RYR2: variants seen among roughly 807,000 people sequenced by gnomAD.
RYR2 encodes the protein ryanodine receptor 2.
A neutral mutation model predicts 601.1 loss-of-function variants in RYR2; 227 were observed. The observed-to-expected ratio is 0.38, with a 90% CI of 0.34 to 0.42. The LOEUF (loss-of-function observed/expected upper bound fraction) is 0.42. Ranked by LOEUF, RYR2 falls within the 10% of genes least tolerant of loss-of-function variation. The pLI, the probability that RYR2 is intolerant of heterozygous loss-of-function variation, is 1.00. For missense variants in RYR2, 4,646 were observed against 6,156.5 expected, an observed-to-expected ratio of 0.75 and a Z score of 8.21; for synonymous variants, 2,223 against 2,175.1, an observed-to-expected ratio of 1.02 and a Z score of -0.61.
chr1:237,197,789 G>A lies in RYR2; in HGVS notation c.49-72708G>A, dbSNP rs537928625. ...TAAAATTACATTTTTAATAGCAGCT[G>A]TTGGTAGAGTCTTAGCAGTCCTGCT... On this transcript the variant is annotated intron_variant, in intron 1 of 104. Transcript: ENST00000366574. Among the ~76,000 whole-genome samples, 300 of 152,336 alleles carry A rather than the reference G, an allele frequency of 2.0e-3. 1 individual carries two copies. Among genetic ancestry groups the A allele is most frequent in the Middle Eastern group, 0.01 (3 of 294 alleles).
chr1:237,719,606 G>C (rs963055885), intron 73 of RYR2, among the ~76,000 whole-genome samples: 39 of 152,118 alleles, frequency 2.6e-4, no homozygotes, highest in African/African-American at 8.7e-4. Context: ...GCACCAAGGG[G>C]ATGCTGCGAA....
At chr1:237,389,991 C>A (rs894035371) in intron 10 of RYR2, among the ~76,000 whole-genome samples, 2 of 152,068 alleles carry the variant, frequency 1.3e-5, no homozygotes, top group Admixed American at 6.6e-5. Context: ...AGGCAGGGGG[C>A]TGAGGATGGA....
chr1:237,687,599 C>T (rs1686544233), intron 63 of RYR2, 95 bp downstream of exon 63: 2 of 910,098 alleles, frequency 2.2e-6, no homozygotes, highest in Non-Finnish European at 3.6e-6. Flanking sequence ...TGCATGGATG[C>T]ATGTTTGCAT....
At chr1:237,676,193 A>G (rs1274676935) in intron 60 of RYR2, among the ~76,000 whole-genome samples, 2 of 152,192 alleles carry the variant, frequency 1.3e-5, no homozygotes, top group Non-Finnish European at 2.9e-5. Flanking sequence ...AAGGGACAGG[A>G]GAGAAAGAAA....
At chr1:237,451,120 ACGGTAGTGACTCGC>A (rs1658052776) in intron 14 of RYR2, among the ~76,000 whole-genome samples, 1 of 152,126 alleles carries the variant, frequency 6.6e-6, no homozygotes, top group Non-Finnish European at 1.5e-5. Context: ...TAGGCTGGGC[ACGGTAGTGACTCGC>A]ACCTATAATC....
intron 29 of RYR2, among the ~76,000 whole-genome samples, chr1:237,570,331 AG>A (rs1327636688): frequency 7.2e-6 from 1 of 138,072 alleles, no homozygotes; most frequent in Non-Finnish European, 1.6e-5. Flanking sequence ...TATTTAAGTT[AG>A]TTTGAATTTT....
chr1:237,326,723 A>G (rs1366464518), intron 2 of RYR2, among the ~76,000 whole-genome samples: 1 of 152,212 alleles, frequency 6.6e-6, no homozygotes, highest in African/African-American at 2.4e-5. Context: ...CTTAAGCAAA[A>G]ACAAAGTAAG....
In RYR2 at chr1:237,638,375, G is replaced by A. The variant is rs375371340; in HGVS notation, c.6811G>A (p.Gly2271Ser). Residue 2271 changes from glycine (G) to serine (S), a missense_variant, in exon 45 of 105, where the codon GGT becomes AGT. Gly to Ser is a moderately conservative substitution (Grantham distance 56). Coordinates refer to ENST00000366574, the MANE Select transcript of RYR2 (RefSeq NM_001035.3). ...DLEKVVRYLAGCGLQSCQMLV... is the reference protein window; with the variant it reads ...DLEKVVRYLASCGLQSCQMLV... ...TTTGCAGGTAGTTCGTTATTTGGCT[G>A]GTTGTGGACTGCAAAGTTGCCAGAT... 6.2e-7 allele frequency: 1 copy of A among 1,613,752 alleles called. No individual in the cohort carries two copies.
At chr1:237,622,377 TACC>T (rs1379487132) in intron 38 of RYR2, among the ~76,000 whole-genome samples, 1 of 152,228 alleles carries the variant, frequency 6.6e-6, no homozygotes. Context: ...ACTGAAATGA[TACC>T]ACAAGTGGAA....
At chr1:237,380,462 A>G (rs1701412044) in intron 8 of RYR2, among the ~76,000 whole-genome samples, 1 of 133,980 alleles carries the variant, frequency 7.5e-6, no homozygotes, top group African/African-American at 2.8e-5. Flanking sequence ...TGGGCTAATC[A>G]TGTAACCTTT....
intron 50 of RYR2, among the ~76,000 whole-genome samples, chr1:237,650,744 A>C (rs1424601620): frequency 6.6e-6 from 1 of 152,200 alleles, no homozygotes; most frequent in South Asian, 2.1e-4. Context: ...GCAGCCTGGC[A>C]GTCCCTGGGG....
chr1:237,299,662 A>C (rs2149448804), intron 2 of RYR2, among the ~76,000 whole-genome samples: 1 of 152,262 alleles, frequency 6.6e-6, no homozygotes, highest in Middle Eastern at 3.4e-3. Context: ...CCGGCTAATA[A>C]AAAGTTTTAT....
At chr1:237,117,677 C>T (rs954654805) in intron 1 of RYR2, among the ~76,000 whole-genome samples, 1 of 27,592 alleles carries the variant, frequency 3.6e-5, no homozygotes, top group Non-Finnish European at 7.0e-5. Flanking sequence ...TCTTCCTTCT[C>T]TTCTCTTCTC....
intron 29 of RYR2, among the ~76,000 whole-genome samples, chr1:237,569,878 G>A (rs1672483310): frequency 2.0e-5 from 3 of 152,160 alleles, no homozygotes. Context: ...GGGAGCACGT[G>A]CTGCTGCCTG....
intron 28 of RYR2, among the ~76,000 whole-genome samples, chr1:237,567,815 C>A (rs757481644): frequency 6.6e-6 from 1 of 151,684 alleles, no homozygotes; most frequent in Non-Finnish European, 1.5e-5. Flanking sequence ...AGAGATTTGA[C>A]GTTTGGATAT....
chr1:237,077,859 T>C (rs1665187604), intron 1 of RYR2, among the ~76,000 whole-genome samples: 1 of 145,794 alleles, frequency 6.9e-6, no homozygotes, highest in African/African-American at 2.5e-5. Flanking sequence ...ATTCCAAAAT[T>C]GGCCACATAG....
intron 5 of RYR2, 56 bp downstream of exon 5, chr1:237,364,428 A>C: frequency 2.1e-6 from 2 of 973,442 alleles, no homozygotes; most frequent in Non-Finnish European, 3.1e-6. Context: ...ATTACTATAT[A>C]TGGATTATAT....
intron 71 of RYR2, among the ~76,000 whole-genome samples, chr1:237,716,754 C>CCACACACA (rs72260792): frequency 5.4e-5 from 8 of 148,336 alleles, no homozygotes; most frequent in African/African-American, 1.8e-4. Flanking sequence ...ATATATTAGA[C>CCACACACA]CACACACACA....
intron 2 of RYR2, among the ~76,000 whole-genome samples, chr1:237,312,344 G>A (rs543345055): frequency 1.3e-5 from 2 of 152,280 alleles, no homozygotes; most frequent in Admixed American, 1.3e-4. Flanking sequence ...AATCTGAATA[G>A]TATTTTATAA....
Sources: gnomAD v4.1 joint callset for allele counts (sites outside exome capture counted in the v4.1 genomes callset) on GRCh38, gnomAD v4.1.1 for gene constraint, MANE v1.5 for transcripts, NCBI Gene and HGNC (gene_info 2026-07-23, HGNC 2026-07-21) for gene names.